The following GSDMC variants were observed in gnomAD, a reference collection of about 807,000 sequenced individuals.
The protein encoded by GSDMC is gasdermin C.
Under a neutral mutation model 58.0 loss-of-function variants are expected in GSDMC, and 59 were observed. That is an observed-to-expected ratio of 1.02 (90% CI 0.82 to 1.26). GSDMC has a LOEUF of 1.26. Ranked by LOEUF, GSDMC falls within the 50% of genes most tolerant of loss-of-function variation. GSDMC has a pLI of 0.00. For synonymous variants in GSDMC, 241 were observed against 220.2 expected, an observed-to-expected ratio of 1.09 and a Z score of -0.83; for missense variants, 659 against 598.5, an observed-to-expected ratio of 1.10 and a Z score of -1.06.
intron 4 of GSDMC, among the ~76,000 whole-genome samples, chr8:129,764,858 T>C (rs1379316790): frequency 2.0e-5 from 3 of 152,216 alleles, no homozygotes; most frequent in African/African-American, 7.2e-5. Context: ...TTTTGGGGGT[T>C]CTTGTTTCTA....
the GSDMC span, among the ~76,000 whole-genome samples, chr8:129,737,980 AC>A: frequency 2.0e-4 from 30 of 152,092 alleles, no homozygotes; most frequent in Non-Finnish European, 4.1e-4. Flanking sequence ...AAAACAAACA[AC>A]CCCATCAAAA....
the GSDMC span, among the ~76,000 whole-genome samples, chr8:129,741,095 G>A: frequency 6.6e-6 from 1 of 152,014 alleles, no homozygotes; most frequent in East Asian, 1.9e-4. Flanking sequence ...ATTTATTGAA[G>A]AGATTGTTCT....
chr8:129,783,996 A>G (rs1266201012), intron 1 of GSDMC, among the ~76,000 whole-genome samples: 1 of 152,210 alleles, frequency 6.6e-6, no homozygotes, highest in Non-Finnish European at 1.5e-5. Context: ...TAGAGAAAGG[A>G]CAGTCTCTTC....
At chr8:129,723,327 G>A in the GSDMC span, among the ~76,000 whole-genome samples, 1 of 151,746 alleles carries the variant, frequency 6.6e-6, no homozygotes, top group Non-Finnish European at 1.5e-5. Context: ...TGCAACCTCT[G>A]CCTCCCGGGT....
the GSDMC span, among the ~76,000 whole-genome samples, chr8:129,720,259 C>A: frequency 6.6e-6 from 1 of 152,162 alleles, no homozygotes; most frequent in Non-Finnish European, 1.5e-5. Context: ...TGCTTGTGAT[C>A]ATCCTTTGTA....
the GSDMC span, among the ~76,000 whole-genome samples, chr8:129,728,138 A>C: frequency 6.6e-6 from 1 of 152,106 alleles, no homozygotes; most frequent in Non-Finnish European, 1.5e-5. Context: ...GCAGATCTCC[A>C]GGCATTCAGA....
At chr8:129,758,603 T>C (rs1415606247) in intron 6 of GSDMC, among the ~76,000 whole-genome samples, 1 of 152,082 alleles carries the variant, frequency 6.6e-6, no homozygotes, top group Non-Finnish European at 1.5e-5. Context: ...AATTTAAAAA[T>C]TAATCGCATT....
chr8:129,750,014 G>A lies in GSDMC; in HGVS notation c.1189C>T (p.Leu397Phe). ...HAWFNPKDPILYLLEAIMVLS... is the reference protein window; with the variant it reads ...HAWFNPKDPIFYLLEAIMVLS... ...CCCATTATGGCTTCAAGGAGATAAAGAATGGGGTCCTTTGGGTTAAACCAT... is the reference window on the plus strand; with the variant it reads ...CCCATTATGGCTTCAAGGAGATAAAAAATGGGGTCCTTTGGGTTAAACCAT... Residue 397 changes from leucine to phenylalanine, a missense_variant, in exon 12 of 14, where the codon CTT becomes TTT. Coordinates refer to ENST00000276708, the MANE Select transcript of GSDMC (RefSeq NM_031415.3). The A allele has an allele frequency of 1.9e-6, 3 of 1,609,352 alleles. No individual in the cohort carries two copies. The highest frequency in any genetic ancestry group is 2.5e-6 in the Non-Finnish European group (3 of 1,178,396).
At chr8:129,723,419 C>CTTT in the GSDMC span, among the ~76,000 whole-genome samples, 9 of 133,380 alleles carry the variant, frequency 6.7e-5, no homozygotes, top group Middle Eastern at 4.2e-3. Context: ...TTTTCTTCTC[C>CTTT]TTTTTTTTTT....
chr8:129,707,714 C>T, the GSDMC span, among the ~76,000 whole-genome samples: 1 of 152,184 alleles, frequency 6.6e-6, no homozygotes, highest in Non-Finnish European at 1.5e-5. Context: ...TGCTTTCTAC[C>T]TTTGGTTTAC....
chr8:129,754,737 T>C (rs971671023), intron 6 of GSDMC, among the ~76,000 whole-genome samples: 1 of 152,238 alleles, frequency 6.6e-6, no homozygotes, highest in African/African-American at 2.4e-5. Flanking sequence ...TTCAGAATTC[T>C]ATCAGGCACA....
At chr8:129,720,762 G>A in the GSDMC span, among the ~76,000 whole-genome samples, 2 of 152,172 alleles carry the variant, frequency 1.3e-5, no homozygotes, top group East Asian at 3.9e-4. Context: ...ACTGTAGGTA[G>A]GCTAAAAATC....
the GSDMC span, among the ~76,000 whole-genome samples, chr8:129,716,072 C>T: frequency 6.6e-6 from 1 of 152,044 alleles, no homozygotes; most frequent in East Asian, 1.9e-4. Flanking sequence ...AAAAATTACT[C>T]ATTCCGAAAG....
At chr8:129,732,110 T>A in the GSDMC span, among the ~76,000 whole-genome samples, 1 of 152,062 alleles carries the variant, frequency 6.6e-6, no homozygotes, top group South Asian at 2.1e-4. Context: ...CACAAGGGGT[T>A]CTCTCTCAGG....
At chr8:129,764,808 C>T (rs536888519) in intron 4 of GSDMC, among the ~76,000 whole-genome samples, 1 of 152,208 alleles carries the variant, frequency 6.6e-6, no homozygotes, top group Non-Finnish European at 1.5e-5. Flanking sequence ...TGCAGTCCCA[C>T]CTATCTTCAG....
the GSDMC span, among the ~76,000 whole-genome samples, chr8:129,707,687 C>A: frequency 6.6e-6 from 1 of 152,172 alleles, no homozygotes; most frequent in African/African-American, 2.4e-5. Flanking sequence ...TTTCTTGATA[C>A]ACATATATTC....
chr8:129,747,259 A>G (rs1451716194), downstream of GSDMC, among the ~76,000 whole-genome samples: 1 of 147,088 alleles, frequency 6.8e-6, no homozygotes, highest in Non-Finnish European at 1.5e-5. Context: ...TCTGTCTCAA[A>G]AAAAAAAAAA....
the GSDMC span, among the ~76,000 whole-genome samples, chr8:129,722,263 C>G: frequency 2.0e-5 from 3 of 152,278 alleles, no homozygotes; most frequent in East Asian, 5.8e-4. Context: ...AATTTCAGAG[C>G]CCTCCTTGAA....
chr8:129,750,249 C>T, intron 11 of GSDMC, 130 bp from the exon 12 acceptor site: 1 of 1,019,628 alleles, frequency 9.8e-7, no homozygotes, highest in Non-Finnish European at 1.4e-6. Flanking sequence ...GGATTCCAAG[C>T]AGCCTCAGTA....
Sources: allele counts gnomAD v4.1 joint callset (sites outside exome capture counted in the v4.1 genomes callset), GRCh38; gene constraint gnomAD v4.1.1; transcripts MANE v1.5; gene names NCBI Gene and HGNC (gene_info 2026-07-23, HGNC 2026-07-21).